Variants in NTRK2 observed in about 807,000 individuals in gnomAD.
NTRK2 encodes neurotrophic receptor tyrosine kinase 2.
A neutral mutation model predicts 94.5 loss-of-function variants in NTRK2; 13 were observed. The ratio of observed to expected loss-of-function variants is 0.14; its 90% CI spans 0.09 to 0.22. The LOEUF is 0.22. NTRK2 is among the 10% of genes least tolerant of loss of function. The pLI, the probability that NTRK2 is intolerant of heterozygous loss-of-function variation, is 1.00. For synonymous variants in NTRK2, 372 were observed against 407.4 expected (o/e 0.91, Z 1.05); for missense variants, 639 against 1,071.2 (o/e 0.60, Z 5.63).
At chr9:84,686,886 A>T (rs1299856589) in intron 2 of NTRK2, among the ~76,000 whole-genome samples, 1 of 152,214 alleles carries the variant, frequency 6.6e-6, no homozygotes, top group East Asian at 1.9e-4. Context: ...AGGTTAATAA[A>T]TTGTGTTGAA....
At chr9:85,014,649 G>A (rs1302793446) in intron 17 of NTRK2, among the ~76,000 whole-genome samples, 1 of 152,150 alleles carries the variant, frequency 6.6e-6, no homozygotes, top group Non-Finnish European at 1.5e-5. Context: ...AATAAACTTT[G>A]TAGTCAAACC....
intron 12 of NTRK2, among the ~76,000 whole-genome samples, chr9:84,754,013 G>A (rs1036238377): frequency 2.0e-5 from 3 of 152,150 alleles, no homozygotes; most frequent in African/African-American, 7.2e-5. Context: ...GAGAAAAAGC[G>A]TAGACATTTT....
In NTRK2 at chr9:84,745,187, G is replaced by A. The variant is rs41318035; in HGVS notation, c.1296+114G>A. On this transcript the variant is annotated intron_variant, in intron 11 of 18. Coordinates refer to ENST00000277120, the MANE Select transcript of NTRK2 (RefSeq NM_006180.6). Reference sequence around the variant, plus strand: ...TTTATTGTTCAGATATAAATAGGGTGTTAACACCTAGGTTGGAAGAATTAA... The same window carrying A: ...TTTATTGTTCAGATATAAATAGGGTATTAACACCTAGGTTGGAAGAATTAA... The A allele has an allele frequency of 0.036, 25,202 of 697,494 alleles. 613 individuals are homozygous for A. Among genetic ancestry groups the A allele is most frequent in the Non-Finnish European group, 0.044 (18,040 of 405,534 alleles). 43.2% of individuals were successfully genotyped at this position (697,494 alleles called of 1,614,324 possible).
At chr9:84,761,654 T>C (rs1417468907) in intron 12 of NTRK2, among the ~76,000 whole-genome samples, 2 of 152,216 alleles carry the variant, frequency 1.3e-5, no homozygotes, top group Non-Finnish European at 2.9e-5. Flanking sequence ...TTTTTCTCTA[T>C]TGTGTAGCCA....
chr9:84,675,304 C>T lies in NTRK2; in HGVS notation c.212+4344C>T, dbSNP rs2058968881. 2.8e-5 allele frequency among the ~76,000 whole-genome samples: 3 copies of T among 106,950 alleles called. No homozygotes were observed. In the South Asian group the frequency reaches 9.4e-4, roughly 33 times the overall value. 70.2% of individuals were successfully genotyped at this position (106,950 alleles called of 152,430 possible). A position where few individuals can be genotyped will look rare whatever the true frequency, so the allele number is the denominator to read the frequency against. ...AGGGGAATTGAATTTCTTTTCTCTT[C>T]TCCTTTCTTTCTTTCTTTCCTTTTT... On this transcript the variant is annotated intron_variant, in intron 2 of 18. Transcript: ENST00000277120.
At chr9:84,858,328 GT>G (rs913812038) in intron 12 of NTRK2, among the ~76,000 whole-genome samples, 2 of 151,826 alleles carry the variant, frequency 1.3e-5, no homozygotes, top group Non-Finnish European at 2.9e-5. Context: ...TGGCCTGAGT[GT>G]TTTTTTTGTT....
At position 84,951,592 on chromosome 9, in the gene NTRK2, A is replaced by C. The variant is rs2078785262; in HGVS notation, c.1937+2958A>C. Among the ~76,000 whole-genome samples, 3 of 152,114 alleles carry C rather than the reference A, an allele frequency of 2.0e-5. No homozygotes were observed. In the South Asian group the frequency reaches 6.2e-4, roughly 32 times the overall value. On this transcript the variant is annotated intron_variant, in intron 16 of 18. Coordinates refer to ENST00000277120, the MANE Select transcript of NTRK2 (RefSeq NM_006180.6). ...ACTTGACTCTTTCACTTTCTCACTCAGCCTCTCCTTCTCCCTAGCTCTCCT... is the reference window on the plus strand; with the variant it reads ...ACTTGACTCTTTCACTTTCTCACTCCGCCTCTCCTTCTCCCTAGCTCTCCT...
At chr9:84,682,213 G>A (rs918864715) in intron 2 of NTRK2, among the ~76,000 whole-genome samples, 6 of 152,206 alleles carry the variant, frequency 3.9e-5, no homozygotes, top group African/African-American at 1.2e-4. Flanking sequence ...CTTTGGAAAG[G>A]TTAGTGCCTT....
intron 17 of NTRK2, among the ~76,000 whole-genome samples, chr9:85,009,734 A>G (rs1159139660): frequency 6.6e-6 from 1 of 152,216 alleles, no homozygotes; most frequent in Non-Finnish European, 1.5e-5. Context: ...CACAATTGCT[A>G]TGTGTTACAT....
chr9:84,752,595 T>C (rs2132506297), intron 12 of NTRK2, among the ~76,000 whole-genome samples: 1 of 152,336 alleles, frequency 6.6e-6, no homozygotes, highest in African/African-American at 2.4e-5. Flanking sequence ...AGAAGCTTCG[T>C]GAATACATAG....
intron 17 of NTRK2, among the ~76,000 whole-genome samples, chr9:85,014,393 AAAC>A (rs1258219716): frequency 2.0e-5 from 3 of 152,342 alleles, no homozygotes; most frequent in East Asian, 3.9e-4. Flanking sequence ...CAAGGATAGC[AAAC>A]AACAACAACT....
Position 84,708,663 on chromosome 9 carries a change from T to G in NTRK2, c.428+751T>G, listed in dbSNP as rs1282177129. 2.6e-5 allele frequency among the ~76,000 whole-genome samples: 4 copies of G among 152,308 alleles called. No individual in the cohort carries two copies. The East Asian group carries it at 5.8e-4, about 22-fold the overall frequency. On this transcript the variant is annotated intron_variant, in intron 5 of 18. Coordinates refer to ENST00000277120, the MANE Select transcript of NTRK2 (RefSeq NM_006180.6). ...GGCCCAGGAAGAGGCCTTTGAAGAT[T>G]AGGCAATGGCATTTGCTTAAACTCT...
In NTRK2 at chr9:85,021,885, G is replaced by A; in HGVS notation, c.*448G>A. On this transcript the variant is annotated 3_prime_UTR_variant, in exon 19 of 19. Coordinates refer to ENST00000277120, the MANE Select transcript of NTRK2 (RefSeq NM_006180.6). Reference sequence around the variant, plus strand: ...CTTGTTGTATTCCTGCCTTTGATGTGGATGAAAAAAAGGGAAAACAAATAT... The same window carrying A: ...CTTGTTGTATTCCTGCCTTTGATGTAGATGAAAAAAAGGGAAAACAAATAT... 3.8e-6 allele frequency: 1 copy of A among 264,648 alleles called. No homozygotes were observed. Among genetic ancestry groups the A allele is most frequent in the Non-Finnish European group, 7.3e-6 (1 of 137,396 alleles). 16.4% of individuals were successfully genotyped at this position (264,648 alleles called of 1,614,324 possible).
intron 12 of NTRK2, among the ~76,000 whole-genome samples, chr9:84,781,673 C>T (rs1365880630): frequency 6.6e-6 from 1 of 152,076 alleles, no homozygotes; most frequent in African/African-American, 2.4e-5. Context: ...GGCCCACAGA[C>T]AACAAGAACA....
At chr9:85,017,875 A>G (rs1347590086) in intron 17 of NTRK2, among the ~76,000 whole-genome samples, 1 of 152,216 alleles carries the variant, frequency 6.6e-6, no homozygotes, top group Non-Finnish European at 1.5e-5. Context: ...AGCTGGTTGC[A>G]CCATAGCACT....
chr9:84,876,179 A>T, intron 14 of NTRK2: 3 of 1,041,454 alleles, frequency 2.9e-6, no homozygotes, highest in South Asian at 4.6e-5. Flanking sequence ...ATTTGGACTG[A>T]GTGCCATATT....
In NTRK2 at chr9:84,917,571, C is replaced by A. The variant is rs567375438; in HGVS notation, c.1634-16591C>A. 2.0e-5 allele frequency among the ~76,000 whole-genome samples: 3 copies of A among 152,268 alleles called. No individual in the cohort carries two copies. In the South Asian group the frequency reaches 6.2e-4, roughly 32 times the overall value. On this transcript the variant is annotated intron_variant, in intron 14 of 18. Transcript: ENST00000277120. Reference sequence around the variant, plus strand: ...TTGGAGGAGCTCTGACTCAAGTGTTCTTGCCTAGGGAGTACTGGTTGTATA... The same window carrying A: ...TTGGAGGAGCTCTGACTCAAGTGTTATTGCCTAGGGAGTACTGGTTGTATA...
chr9:84,723,463 C>A, intron 6 of NTRK2, 110 bp from the exon 7 acceptor site: 1 of 1,273,964 alleles, frequency 7.8e-7, no homozygotes, highest in Non-Finnish European at 1.1e-6. Context: ...TCTCAAAAAG[C>A]AATTAAAGAT....
At chr9:84,897,456 C>T (rs949944331) in intron 14 of NTRK2, among the ~76,000 whole-genome samples, 1 of 152,182 alleles carries the variant, frequency 6.6e-6, no homozygotes, top group African/African-American at 2.4e-5. Context: ...TTCTTAATCA[C>T]CATGCCCTAC....
Sources: gnomAD v4.1 joint callset for allele counts (sites outside exome capture counted in the v4.1 genomes callset) on GRCh38, gnomAD v4.1.1 for gene constraint, MANE v1.5 for transcripts, NCBI Gene and HGNC (gene_info 2026-07-23, HGNC 2026-07-21) for gene names.